Variants in NTM observed in about 807,000 individuals in gnomAD.
NTM encodes the protein neurotrimin.
Under a neutral mutation model 42.1 loss-of-function variants are expected in NTM, and 13 were observed. The observed-to-expected ratio is 0.31, with a 90% CI of 0.20 to 0.49. The LOEUF is 0.49. Ranked by LOEUF, NTM falls within the 20% of genes least tolerant of loss-of-function variation. NTM has a pLI of 0.99. For synonymous variants in NTM, 187 were observed against 179.2 expected (o/e 1.04, Z -0.35); for missense variants, 373 against 452.8 (o/e 0.82, Z 1.60).
intron 1 of NTM, among the ~76,000 whole-genome samples, chr11:131,407,388 C>T (rs1466848821): frequency 2.6e-5 from 4 of 152,274 alleles, no homozygotes; most frequent in African/African-American, 7.2e-5. Flanking sequence ...CATACAATGC[C>T]CTGGAAAACA....
intron 4 of NTM, among the ~76,000 whole-genome samples, chr11:132,215,964 G>A (rs967174283): frequency 1.5e-4 from 23 of 152,338 alleles, no homozygotes; most frequent in African/African-American, 4.6e-4. Context: ...AGGTGCACAG[G>A]CACCGTTGGT....
intron 1 of NTM, among the ~76,000 whole-genome samples, chr11:131,717,835 C>T (rs955446671): frequency 3.0e-4 from 45 of 152,166 alleles, no homozygotes; most frequent in African/African-American, 1.0e-3. Flanking sequence ...TTTAGATATG[C>T]TGATAGCTGT....
chr11:131,617,742 C>A (rs74346458), intron 1 of NTM, among the ~76,000 whole-genome samples: 4,538 of 152,246 alleles, frequency 0.03, 206 homozygotes, highest in African/African-American at 0.1. Context: ...TTCCACAACA[C>A]AAAGGATTGT....
intron 2 of NTM, among the ~76,000 whole-genome samples, chr11:131,936,091 G>A (rs1013360432): frequency 9.9e-5 from 15 of 152,156 alleles, no homozygotes; most frequent in Non-Finnish European, 1.8e-4. Context: ...GGTGTTGAGA[G>A]TGATGGTCGA....
chr11:131,391,707 G>C (rs989684337), intron 1 of NTM, among the ~76,000 whole-genome samples: 2 of 151,290 alleles, frequency 1.3e-5, no homozygotes, highest in African/African-American at 4.9e-5. Flanking sequence ...GGAGGAGAGG[G>C]TCGGGAGACA....
At chr11:131,437,519 ATCCC>A (rs1170651833) in intron 1 of NTM, among the ~76,000 whole-genome samples, 2 of 152,064 alleles carry the variant, frequency 1.3e-5, no homozygotes, top group Non-Finnish European at 2.9e-5. Context: ...TGTTGAATTG[ATCCC>A]TTTATCATTA....
chr11:131,880,931 C>A (rs1352373731), intron 1 of NTM, among the ~76,000 whole-genome samples: 1 of 152,110 alleles, frequency 6.6e-6, no homozygotes, highest in Non-Finnish European at 1.5e-5. Context: ...AGGTAGGGAA[C>A]AGTCAGATGC....
At chr11:131,582,729 A>G (rs1436256793) in intron 1 of NTM, among the ~76,000 whole-genome samples, 4 of 152,316 alleles carry the variant, frequency 2.6e-5, no homozygotes, top group Non-Finnish European at 1.5e-5. Context: ...ATAATTGTCA[A>G]TGTCACATTC....
At chr11:131,957,445 C>T (rs2061671451) in intron 2 of NTM, among the ~76,000 whole-genome samples, 1 of 152,156 alleles carries the variant, frequency 6.6e-6, no homozygotes, top group Admixed American at 6.5e-5. Flanking sequence ...GGCCCTCAGA[C>T]ACAGTCCACT....
intron 1 of NTM, among the ~76,000 whole-genome samples, chr11:131,481,705 C>A (rs1303292531): frequency 6.6e-6 from 1 of 152,208 alleles, no homozygotes; most frequent in Non-Finnish European, 1.5e-5. Flanking sequence ...CCTCTTTGGT[C>A]CTCTTGGCCT....
rs115327261 is a variant in NTM, at chr11:131,664,382, A to G, written c.83-247182A>G. 4.2e-3 allele frequency among the ~76,000 whole-genome samples: 645 copies of G among 152,328 alleles called. 2 individuals are homozygous for G. Among genetic ancestry groups the G allele is most frequent in the African/African-American group, 0.015 (616 of 41,560 alleles). ...CTCATCATAGCCTTCCAAATTTCTGAATCTAGTTCTTGATTTTTCTAATGA... is the reference window on the plus strand; with the variant it reads ...CTCATCATAGCCTTCCAAATTTCTGGATCTAGTTCTTGATTTTTCTAATGA... On this transcript the variant is annotated intron_variant, in intron 1 of 8. Transcript: ENST00000683400.
chr11:132,318,530 G>A (rs558150524), intron 7 of NTM, among the ~76,000 whole-genome samples: 33 of 151,998 alleles, frequency 2.2e-4, no homozygotes, highest in South Asian at 1.2e-3. Context: ...TATCTCCCGC[G>A]TCTCTTGCCT....
chr11:132,244,849 C>T lies in NTM; in HGVS notation c.526+32702C>T, dbSNP rs547990519. ...CTGCACAGATTGCTGGCTAATGGGG[C>T]GGAGCTAGCTGAAGTGCCTTCTATT... On this transcript the variant is annotated intron_variant, in intron 4 of 8. Coordinates refer to ENST00000683400, the MANE Select transcript of NTM (RefSeq NM_001352005.2). Among the ~76,000 whole-genome samples the T allele has an allele frequency of 3.0e-4, 46 of 152,298 alleles. 1 individual carries two copies. In the South Asian group the frequency reaches 8.7e-3, roughly 29 times the overall value.
At chr11:131,729,812 A>G (rs2079411728) in intron 1 of NTM, among the ~76,000 whole-genome samples, 1 of 152,036 alleles carries the variant, frequency 6.6e-6, no homozygotes, top group African/African-American at 2.4e-5. Context: ...TTCTTTATCC[A>G]TTTATCATCT....
At chr11:131,687,572 C>T (rs1036556838) in intron 1 of NTM, among the ~76,000 whole-genome samples, 1 of 152,232 alleles carries the variant, frequency 6.6e-6, no homozygotes, top group Non-Finnish European at 1.5e-5. Context: ...TCACCTTCGC[C>T]CCCGGGGGTG....
chr11:131,854,198 A>G (rs182251683), intron 1 of NTM, among the ~76,000 whole-genome samples: 6 of 152,366 alleles, frequency 3.9e-5, no homozygotes, highest in Admixed American at 3.9e-4. Context: ...GTTTAATCCT[A>G]GATATGAAGA....
At chr11:132,114,091 G>A (rs1006383105) in intron 2 of NTM, among the ~76,000 whole-genome samples, 5 of 152,030 alleles carry the variant, frequency 3.3e-5, no homozygotes, top group South Asian at 2.1e-4. Flanking sequence ...TTTAAAAGGC[G>A]TCTTTTGAAG....
chr11:131,850,720 T>A (rs2045430135), intron 1 of NTM, among the ~76,000 whole-genome samples: 1 of 152,188 alleles, frequency 6.6e-6, no homozygotes, highest in Non-Finnish European at 1.5e-5. Context: ...GGTCACCAGG[T>A]CAGGCGGTGC....
At chr11:132,306,111 G>A (rs565101498) in intron 4 of NTM, among the ~76,000 whole-genome samples, 52 of 152,322 alleles carry the variant, frequency 3.4e-4, no homozygotes, top group African/African-American at 1.2e-3. Context: ...TGGCCAAAGA[G>A]TGCTGATCGA....
Sources: allele counts gnomAD v4.1 joint callset (sites outside exome capture counted in the v4.1 genomes callset), GRCh38; gene constraint gnomAD v4.1.1; transcripts MANE v1.5; gene names NCBI Gene and HGNC (gene_info 2026-07-23, HGNC 2026-07-21).